The following RBM17 variants were observed in gnomAD, a reference collection of about 807,000 sequenced individuals.
RBM17 encodes splicing factor 45.
In RBM17, 7 loss-of-function variants were observed where a neutral mutation model predicts 53.2. That is an observed-to-expected ratio of 0.13 (90% CI 0.07 to 0.25). The LOEUF (loss-of-function observed/expected upper bound fraction) is 0.25. Among genes scored for constraint, RBM17 ranks in the 10% least tolerant of loss-of-function variants. The pLI, the probability that RBM17 is intolerant of heterozygous loss-of-function variation, is 1.00. For synonymous variants in RBM17, 167 were observed against 178.1 expected (o/e 0.94, Z 0.50); for missense variants, 257 against 496.7 (o/e 0.52, Z 4.59).
chr10:6,107,984 T>C (rs1329807221), intron 5 of RBM17, among the ~76,000 whole-genome samples: 1 of 152,236 alleles, frequency 6.6e-6, no homozygotes, highest in Non-Finnish European at 1.5e-5. Flanking sequence ...GATGTTCTCC[T>C]TCCAGTTGTC....
At chr10:6,113,407 T>G in intron 8 of RBM17, 101 bp from the exon 9 acceptor site, 1 of 813,216 alleles carries the variant, frequency 1.2e-6, no homozygotes, top group Non-Finnish European at 2.0e-6. Context: ...GGATCGCTAT[T>G]GAAATTAAAT....
At position 6,117,192 on chromosome 10, in the gene RBM17, A is replaced by T. The variant is rs1840933512; in HGVS notation, c.*1636A>T. On this transcript the variant is annotated 3_prime_UTR_variant, in exon 12 of 12. Coordinates refer to ENST00000379888, the MANE Select transcript of RBM17 (RefSeq NM_032905.5). ...TCATGGTCAGCAACCAGAGAGTTGCAACCAACTCATACTACTTGATTTCCG... is the reference window on the plus strand; with the variant it reads ...TCATGGTCAGCAACCAGAGAGTTGCTACCAACTCATACTACTTGATTTCCG... The T allele has an allele frequency of 6.6e-6, 1 of 152,358 alleles. No homozygotes were observed. Among genetic ancestry groups the T allele is most frequent in the Non-Finnish European group, 1.5e-5 (1 of 68,040 alleles). The allele number at this position is 152,358 out of a possible 1,614,324, so 9.4% of individuals were successfully genotyped here.
chr10:6,095,589 C>T (rs1265527780), intron 1 of RBM17, among the ~76,000 whole-genome samples: 1 of 152,204 alleles, frequency 6.6e-6, no homozygotes, highest in Non-Finnish European at 1.5e-5. Context: ...CCCTGCTTCT[C>T]TACGGCCTTG....
chr10:6,116,515 A>C lies in RBM17; in HGVS notation c.*959A>C, dbSNP rs1009614949. The C allele has an allele frequency of 6.6e-6, 1 of 152,396 alleles. No individual in the cohort carries two copies. Among genetic ancestry groups the C allele is most frequent in the African/African-American group, 2.4e-5 (1 of 41,466 alleles). 9.4% of individuals were successfully genotyped at this position (152,396 alleles called of 1,614,324 possible). A position where few individuals can be genotyped will look rare whatever the true frequency, so the allele number is the denominator to read the frequency against. On this transcript the variant is annotated 3_prime_UTR_variant, in exon 12 of 12. Transcript: ENST00000379888. ...AGTAGGATGTGTGGCTTAAAAATTTATCAGGACCACAAAAAAGAAAACAAA... is the reference window on the plus strand; with the variant it reads ...AGTAGGATGTGTGGCTTAAAAATTTCTCAGGACCACAAAAAAGAAAACAAA...
At chr10:6,109,240 T>A (rs1016823558) in intron 6 of RBM17, among the ~76,000 whole-genome samples, 3 of 152,190 alleles carry the variant, frequency 2.0e-5, no homozygotes, top group African/African-American at 7.2e-5. Flanking sequence ...CTCTAGAATT[T>A]GGGGGTTGGG....
chr10:6,106,492 A>G (rs1199578113), intron 5 of RBM17: 5 of 379,034 alleles, frequency 1.3e-5, no homozygotes, highest in Admixed American at 3.8e-5. Flanking sequence ...CTTAAAATCT[A>G]TTCCTGCACT....
At chr10:6,109,571 T>C (rs1193458964) in intron 6 of RBM17, among the ~76,000 whole-genome samples, 1 of 152,196 alleles carries the variant, frequency 6.6e-6, no homozygotes, top group Non-Finnish European at 1.5e-5. Context: ...GACACCTTTG[T>C]GGGCCATGAG....
intron 3 of RBM17, among the ~76,000 whole-genome samples, chr10:6,104,663 G>T (rs1413531720): frequency 6.6e-6 from 1 of 152,150 alleles, no homozygotes; most frequent in East Asian, 1.9e-4. Context: ...TTAGCTGGTG[G>T]TGGCTTATTT....
At chr10:6,096,939 C>A in intron 1 of RBM17, 109 bp from the exon 2 acceptor site, 1 of 939,804 alleles carries the variant, frequency 1.1e-6, no homozygotes, top group Non-Finnish European at 1.6e-6. Flanking sequence ...GCCTCTGTTG[C>A]TGAAAGGTCC....
chr10:6,113,094 C>T (rs559284557), intron 8 of RBM17: 146 of 180,948 alleles, frequency 8.1e-4, no homozygotes, highest in South Asian at 4.3e-3. Flanking sequence ...CAACAGTTGT[C>T]CCGACTTGTG....
intron 1 of RBM17, among the ~76,000 whole-genome samples, chr10:6,091,943 T>A (rs1840492166): frequency 6.6e-6 from 1 of 152,182 alleles, no homozygotes; most frequent in Non-Finnish European, 1.5e-5. Context: ...CTGAGAAGAC[T>A]CTTCCATGTT....
intron 8 of RBM17, 118 bp from the exon 9 acceptor site, chr10:6,113,383 GACATAAA>G: frequency 1.5e-6 from 1 of 680,724 alleles, no homozygotes; most frequent in Non-Finnish European, 2.6e-6. Context: ...AGATGCCTAG[GACATAAA>G]TGGTGGGGAT....
At chr10:6,098,677 G>A (rs763345413) in intron 2 of RBM17, among the ~76,000 whole-genome samples, 44 of 135,972 alleles carry the variant, frequency 3.2e-4, no homozygotes, top group Non-Finnish European at 5.3e-4. Context: ...CCAGGTTCAC[G>A]CCATTCTCCT....
intron 1 of RBM17, among the ~76,000 whole-genome samples, chr10:6,093,481 A>G (rs754723483): frequency 3.9e-5 from 6 of 152,316 alleles, no homozygotes; most frequent in South Asian, 4.1e-4. Context: ...GGTCTCCCAA[A>G]GTGCTGGGAT....
intron 4 of RBM17, 107 bp downstream of exon 4, chr10:6,105,204 G>T: frequency 1.0e-6 from 1 of 1,004,332 alleles, no homozygotes; most frequent in Admixed American, 2.4e-5. Context: ...ATTGTCATGG[G>T]TGATCTGAGC....
chr10:6,108,306 GA>G (rs1840785157), intron 5 of RBM17, among the ~76,000 whole-genome samples: 4 of 152,222 alleles, frequency 2.6e-5, no homozygotes, highest in Admixed American at 2.6e-4. Context: ...TGTGAAGCCT[GA>G]ACGAGGCCAT....
At chr10:6,098,556 GTTTTTTGTTTTTTT>G (rs1442846824) in intron 2 of RBM17, among the ~76,000 whole-genome samples, 3,074 of 87,680 alleles carry the variant, frequency 0.035, 286 homozygotes, top group African/African-American at 0.12. Flanking sequence ...TAATACACAG[GTTTTTTGTTTTTTT>G]TTTTTTTTTT....
At position 6,108,744 on chromosome 10, in the gene RBM17, T is replaced by A; in HGVS notation, c.562+2T>A. The A allele has an allele frequency of 6.2e-7, 1 of 1,607,830 alleles. No individual in the cohort carries two copies. Among genetic ancestry groups the A allele is most frequent in the Non-Finnish European group, 8.5e-7 (1 of 1,174,860 alleles). Reference sequence around the variant, plus strand: ...CTCTGGTAGAGAAAGACAAAGAGTGTAAGTAGATCTGTTTCTTCCTCTTTT... The same window carrying A: ...CTCTGGTAGAGAAAGACAAAGAGTGAAAGTAGATCTGTTTCTTCCTCTTTT... On this transcript the variant is annotated splice_donor_variant, in intron 6 of 11. Coordinates refer to ENST00000379888, the MANE Select transcript of RBM17 (RefSeq NM_032905.5). LOFTEE classifies it high-confidence loss of function.
At chr10:6,090,429 GAGTT>G (rs1256827044) in intron 1 of RBM17, among the ~76,000 whole-genome samples, 2 of 152,212 alleles carry the variant, frequency 1.3e-5, no homozygotes, top group Non-Finnish European at 2.9e-5. Flanking sequence ...TTTATTTTTA[GAGTT>G]AGTTAAGCAA....
Sources: allele counts gnomAD v4.1 joint callset (sites outside exome capture counted in the v4.1 genomes callset), GRCh38; gene constraint gnomAD v4.1.1; transcripts MANE v1.5; gene names NCBI Gene and HGNC (gene_info 2026-07-23, HGNC 2026-07-21).